TMEM132C: variants seen among roughly 807,000 people sequenced by gnomAD.
TMEM132C encodes the protein protein phosphatase 1, regulatory subunit 152.
In TMEM132C, 29 loss-of-function variants were observed where a neutral mutation model predicts 61.4. The ratio of observed to expected loss-of-function variants is 0.47; its 90% confidence interval spans 0.35 to 0.64. The LOEUF (loss-of-function observed/expected upper bound fraction) is 0.64, where lower values mean the gene tolerates loss of function less well. Ranked by LOEUF, TMEM132C falls within the 30% of genes least tolerant of loss-of-function variation. TMEM132C has a pLI of 0.00. For synonymous variants in TMEM132C, 656 were observed against 633.1 expected (o/e 1.04, Z -0.54); for missense variants, 1,408 against 1,476.9 (o/e 0.95, Z 0.76).
At chr12:128,333,399 T>C (rs1565903946) in intron 1 of TMEM132C, among the ~76,000 whole-genome samples, 1 of 152,120 alleles carries the variant, frequency 6.6e-6, no homozygotes, top group Non-Finnish European at 1.5e-5. Flanking sequence ...TGTATATGCA[T>C]GTAAATGCCT....
At chr12:128,603,535 G>A (rs1405116471) in intron 3 of TMEM132C, among the ~76,000 whole-genome samples, 2 of 152,186 alleles carry the variant, frequency 1.3e-5, no homozygotes, top group Non-Finnish European at 2.9e-5. Context: ...GTTTAGTCTG[G>A]CCAGGAGTGG....
chr12:128,702,458 G>A (rs1186473728), intron 8 of TMEM132C, among the ~76,000 whole-genome samples: 2 of 151,732 alleles, frequency 1.3e-5, no homozygotes, highest in East Asian at 3.9e-4. Context: ...TTAAGTTATA[G>A]CCTTTGGAGT....
At chr12:128,654,064 G>A (rs1399866545) in intron 4 of TMEM132C, among the ~76,000 whole-genome samples, 2 of 152,198 alleles carry the variant, frequency 1.3e-5, no homozygotes, top group Non-Finnish European at 2.9e-5. Flanking sequence ...AAAGAATAAA[G>A]AGACATTGTT....
intron 2 of TMEM132C, among the ~76,000 whole-genome samples, chr12:128,528,710 A>C (rs1873179815): frequency 6.6e-6 from 1 of 151,996 alleles, no homozygotes; most frequent in South Asian, 2.1e-4. Flanking sequence ...CCACGCTCTT[A>C]CTCATGATAA....
At chr12:128,452,257 C>T (rs547897439) in intron 2 of TMEM132C, among the ~76,000 whole-genome samples, 7 of 151,816 alleles carry the variant, frequency 4.6e-5, no homozygotes, top group African/African-American at 1.7e-4. Flanking sequence ...GCCACCACAC[C>T]CAGCTAATTT....
rs184613876 is a variant in TMEM132C, at chr12:128,320,450, C to A, written c.85+52963C>A. On this transcript the variant is annotated intron_variant, in intron 1 of 8. Coordinates refer to ENST00000435159, the MANE Select transcript of TMEM132C (RefSeq NM_001136103.3). Reference sequence around the variant, plus strand: ...TGATTTTTTATTTACCTTTTAAAGTCTAGTTGACAATAACATATTCAAAAG... The same window carrying A: ...TGATTTTTTATTTACCTTTTAAAGTATAGTTGACAATAACATATTCAAAAG... Among the ~76,000 whole-genome samples the A allele has an allele frequency of 1.0e-3, 157 of 152,130 alleles. 1 individual carries two copies. Among genetic ancestry groups the A allele is most frequent in the African/African-American group, 3.7e-3 (152 of 41,502 alleles).
At chr12:128,595,104 A>ACAGTGCAGG (rs1000825903) in intron 3 of TMEM132C, among the ~76,000 whole-genome samples, 5 of 152,212 alleles carry the variant, frequency 3.3e-5, no homozygotes, top group Non-Finnish European at 7.3e-5. Flanking sequence ...TCTCCGGAGA[A>ACAGTGCAGG]CAGTGCAGGG....
At chr12:128,484,114 C>G (rs1871405882) in intron 2 of TMEM132C, among the ~76,000 whole-genome samples, 1 of 152,158 alleles carries the variant, frequency 6.6e-6, no homozygotes. Context: ...CTTTGGTTTT[C>G]CCACCCATCA....
intron 4 of TMEM132C, among the ~76,000 whole-genome samples, chr12:128,627,746 C>T (rs1158636356): frequency 2.0e-5 from 3 of 152,162 alleles, no homozygotes; most frequent in Admixed American, 6.5e-5. Context: ...TCTGATGCCT[C>T]CCCCCGCCCT....
chr12:128,280,137 A>G (rs1870841208), intron 1 of TMEM132C, among the ~76,000 whole-genome samples: 1 of 152,210 alleles, frequency 6.6e-6, no homozygotes, highest in Non-Finnish European at 1.5e-5. Flanking sequence ...TATATGCCAG[A>G]AATCTCTGAA....
chr12:128,455,818 G>A (rs370181877), intron 2 of TMEM132C, among the ~76,000 whole-genome samples: 1 of 152,144 alleles, frequency 6.6e-6, no homozygotes, highest in South Asian at 2.1e-4. Context: ...TACGGGCTGT[G>A]GGGGAGCCCG....
intron 1 of TMEM132C, among the ~76,000 whole-genome samples, chr12:128,396,842 C>G (rs146433420): frequency 8.9e-4 from 136 of 152,332 alleles, no homozygotes; most frequent in African/African-American, 2.7e-3. Context: ...TATCTCTTCT[C>G]TTTCTTTCTT....
At chr12:128,698,101 C>T (rs567761929) in intron 8 of TMEM132C, among the ~76,000 whole-genome samples, 19 of 152,176 alleles carry the variant, frequency 1.2e-4, no homozygotes, top group Non-Finnish European at 2.5e-4. Context: ...GTTCATCGCT[C>T]TATCCCCAGT....
At chr12:128,492,056 C>T (rs145464810) in intron 2 of TMEM132C, among the ~76,000 whole-genome samples, 1,844 of 152,192 alleles carry the variant, frequency 0.012, 46 homozygotes, top group African/African-American at 0.041. Context: ...TGTGTCCAAG[C>T]ATTCTCATGG....
At position 128,705,692 on chromosome 12, in the gene TMEM132C, G is replaced by A. The variant is rs1304163781; in HGVS notation, c.2724G>A (p.Leu908=). The A allele has an allele frequency of 6.4e-7, 1 of 1,551,348 alleles. No individual in the cohort carries two copies. The highest frequency in any genetic ancestry group is 1.4e-5 in the African/African-American group (1 of 73,064). Residue 908 remains leucine (L), a synonymous_variant, in exon 9 of 9, where the codon CTG becomes CTA. Transcript: ENST00000435159. ...HVDLPKAGSG[L]EENDLVQTPR... ...ACCTCCCCAAGGCCGGGAGTGGGCT[G>A]GAGGAAAACGACCTGGTGCAGACTC...
At position 128,402,868 on chromosome 12, in the gene TMEM132C, T is replaced by G. The variant is rs141502401; in HGVS notation, c.86-11864T>G. Among the ~76,000 whole-genome samples the G allele has an allele frequency of 5.9e-5, 9 of 152,318 alleles. No individual in the cohort carries two copies. The East Asian group carries it at 1.7e-3, about 29-fold the overall frequency. On this transcript the variant is annotated intron_variant, in intron 1 of 8. Coordinates refer to ENST00000435159, the MANE Select transcript of TMEM132C (RefSeq NM_001136103.3). ...GATGAAGTCCAAGACTCTGAAGATT[T>G]TAGAGCATTCGTCTTTGAAAGGCAC...
At chr12:128,284,436 G>A (rs1870993858) in intron 1 of TMEM132C, among the ~76,000 whole-genome samples, 1 of 152,256 alleles carries the variant, frequency 6.6e-6, no homozygotes, top group South Asian at 2.1e-4. Flanking sequence ...ATGATTGGCA[G>A]AGTCAGGGTT....
chr12:128,508,589 C>T (rs1204212065), intron 2 of TMEM132C, among the ~76,000 whole-genome samples: 1 of 152,222 alleles, frequency 6.6e-6, no homozygotes, highest in Non-Finnish European at 1.5e-5. Context: ...GTGCTGCATG[C>T]ATTGTCAGCC....
At chr12:128,645,499 C>G (rs905597271) in intron 4 of TMEM132C, among the ~76,000 whole-genome samples, 1 of 152,142 alleles carries the variant, frequency 6.6e-6, no homozygotes, top group Non-Finnish European at 1.5e-5. Flanking sequence ...ATCCAGATTT[C>G]GTTTCTATGG....
Sources: gnomAD v4.1 joint callset for allele counts (sites outside exome capture counted in the v4.1 genomes callset) on GRCh38, gnomAD v4.1.1 for gene constraint, MANE v1.5 for transcripts, NCBI Gene and HGNC (gene_info 2026-07-23, HGNC 2026-07-21) for gene names.